NXPE2: variants seen among roughly 807,000 people sequenced by gnomAD.
NXPE2 encodes the protein NXPE family member 2.
Under a neutral mutation model 34.4 loss-of-function variants are expected in NXPE2, and 34 were observed. The observed-to-expected ratio is 0.99, with a 90% CI of 0.75 to 1.31. The LOEUF (loss-of-function observed/expected upper bound fraction) is 1.31, where lower values mean the gene tolerates loss of function less well. NXPE2 is among the 40% of genes most tolerant of loss of function. NXPE2 has a pLI of 0.00. For synonymous variants in NXPE2, 235 were observed against 231.3 expected (o/e 1.02, Z -0.15); for missense variants, 649 against 672.5 (o/e 0.97, Z 0.39).
At chr11:114,585,882 G>C in the NXPE2 span, among the ~76,000 whole-genome samples, 1,401 of 152,268 alleles carry the variant, frequency 9.2e-3, 25 homozygotes, top group African/African-American at 0.031. Context: ...TGAGGGCCAG[G>C]CATGTTCAAC....
At chr11:114,617,747 A>G in the NXPE2 span, among the ~76,000 whole-genome samples, 1 of 152,120 alleles carries the variant, frequency 6.6e-6, no homozygotes, top group Admixed American at 6.6e-5. Context: ...CTCCTTGGTA[A>G]CCACTGTTAC....
chr11:114,604,825 A>G, the NXPE2 span, among the ~76,000 whole-genome samples: 12 of 152,016 alleles, frequency 7.9e-5, no homozygotes, highest in African/African-American at 2.9e-4. Flanking sequence ...CCTGGTGGAT[A>G]ATAATTGTTG....
chr11:114,542,511 G>A, the NXPE2 span, among the ~76,000 whole-genome samples: 1 of 152,128 alleles, frequency 6.6e-6, no homozygotes, highest in Non-Finnish European at 1.5e-5. Flanking sequence ...AGAATAGTAT[G>A]CAATGGTTGT....
the NXPE2 span, among the ~76,000 whole-genome samples, chr11:114,753,025 A>G: frequency 2.0e-5 from 3 of 152,208 alleles, no homozygotes; most frequent in Non-Finnish European, 2.9e-5. Flanking sequence ...AGAATTTGCA[A>G]TGGTGACCAA....
the NXPE2 span, among the ~76,000 whole-genome samples, chr11:114,553,127 G>A: frequency 2.0e-5 from 3 of 152,036 alleles, no homozygotes; most frequent in Non-Finnish European, 4.4e-5. Flanking sequence ...TTGGGTTTGA[G>A]CTTTAATGCC....
the NXPE2 span, among the ~76,000 whole-genome samples, chr11:114,624,991 G>C: frequency 6.6e-6 from 1 of 151,802 alleles, no homozygotes; most frequent in African/African-American, 2.4e-5. Flanking sequence ...GTTGCCTCGT[G>C]AGTAACCACT....
the NXPE2 span, among the ~76,000 whole-genome samples, chr11:114,804,235 C>T: frequency 6.6e-6 from 1 of 152,164 alleles, no homozygotes; most frequent in East Asian, 1.9e-4. Flanking sequence ...CCCTCTGCTC[C>T]CTATTCCCAT....
At chr11:114,690,321 C>T (rs1201726865) in intron 2 of NXPE2, among the ~76,000 whole-genome samples, 2 of 152,090 alleles carry the variant, frequency 1.3e-5, no homozygotes, top group African/African-American at 4.8e-5. Context: ...AAATACTTGT[C>T]TGGAAAATAC....
the NXPE2 span, among the ~76,000 whole-genome samples, chr11:114,739,334 T>C: frequency 4.1e-3 from 122 of 29,798 alleles, 1 homozygote; most frequent in East Asian, 0.012. Context: ...CTTCCTTCCT[T>C]CCTTCCCCCC....
chr11:114,558,536 G>A, the NXPE2 span, among the ~76,000 whole-genome samples: 1 of 152,250 alleles, frequency 6.6e-6, no homozygotes, highest in East Asian at 1.9e-4. Flanking sequence ...TATTACTAAT[G>A]GAAGTTGAGT....
chr11:114,633,423 A>G, the NXPE2 span, among the ~76,000 whole-genome samples: 1 of 145,658 alleles, frequency 6.9e-6, no homozygotes, highest in African/African-American at 2.5e-5. Context: ...TATGTTATAT[A>G]CAATATAGTA....
chr11:114,636,283 T>A, the NXPE2 span, among the ~76,000 whole-genome samples: 2 of 152,108 alleles, frequency 1.3e-5, no homozygotes, highest in East Asian at 3.8e-4. Context: ...GATGGTAGTT[T>A]GTATTTCTGT....
At chr11:114,492,166 A>T in the NXPE2 span, among the ~76,000 whole-genome samples, 14 of 152,192 alleles carry the variant, frequency 9.2e-5, no homozygotes, top group African/African-American at 3.1e-4. Context: ...TAATAATAAT[A>T]AAATAAATAA....
At chr11:114,555,826 T>C in the NXPE2 span, among the ~76,000 whole-genome samples, 1 of 152,244 alleles carries the variant, frequency 6.6e-6, no homozygotes, top group Non-Finnish European at 1.5e-5. Context: ...ATTATGTTTT[T>C]GAAGATTCAT....
chr11:114,509,939 A>G, the NXPE2 span, among the ~76,000 whole-genome samples: 1 of 152,222 alleles, frequency 6.6e-6, no homozygotes, highest in Non-Finnish European at 1.5e-5. Context: ...GTTAAAAAAG[A>G]GTAAGAGTCC....
At position 114,698,730 on chromosome 11, in the gene NXPE2, C is replaced by A. The variant is rs747801607; in HGVS notation, c.818C>A (p.Thr273Lys). 6 of 1,607,166 alleles carry A rather than the reference C, an allele frequency of 3.7e-6. No homozygotes were observed. In the Admixed American group the frequency reaches 5.1e-5, roughly 14 times the overall value. ...CEALTHMTTR[T>K]RNISYLSKEE... ...GCCTTGACCCACATGACCACTAGGA[C>A]AAGAAATATTTCCTATCTTAGCAAG... is the stretch of plus-strand genomic sequence containing the variant. The change falls in exon 3 of 6, where the codon ACA becomes AAA. Residue 273 changes from threonine to lysine, a missense_variant. Transcript: ENST00000389586.
chr11:114,550,474 A>G, the NXPE2 span, among the ~76,000 whole-genome samples: 1 of 152,184 alleles, frequency 6.6e-6, no homozygotes, highest in Non-Finnish European at 1.5e-5. Context: ...CAGTGAGGAT[A>G]TAGAATGGAA....
At chr11:114,776,635 G>A in the NXPE2 span, among the ~76,000 whole-genome samples, 11 of 152,168 alleles carry the variant, frequency 7.2e-5, no homozygotes, top group African/African-American at 2.7e-4. Context: ...GGTGGGCCTG[G>A]GTGTTCCCTT....
the NXPE2 span, among the ~76,000 whole-genome samples, chr11:114,714,516 A>G: frequency 6.6e-6 from 1 of 152,214 alleles, no homozygotes; most frequent in Non-Finnish European, 1.5e-5. Context: ...GAAGGCAGAA[A>G]AAGTGCAAAA....
Sources: gnomAD v4.1 joint callset for allele counts (sites outside exome capture counted in the v4.1 genomes callset) on GRCh38, gnomAD v4.1.1 for gene constraint, MANE v1.5 for transcripts, NCBI Gene and HGNC (gene_info 2026-07-23, HGNC 2026-07-21) for gene names.